The following GRM5 variants were observed in gnomAD, a reference collection of about 807,000 sequenced individuals.
GRM5 encodes the protein glutamate metabotropic receptor 5, also known as metabotropic glutamate receptor 5.
In GRM5, 19 loss-of-function variants were observed where a neutral mutation model predicts 83.1. That is an observed-to-expected ratio of 0.23 (90% CI 0.16 to 0.34). The LOEUF (loss-of-function observed/expected upper bound fraction) is 0.34, where lower values mean the gene tolerates loss of function less well. Among genes scored for constraint, GRM5 ranks in the 10% least tolerant of loss-of-function variants. The probability of loss-of-function intolerance (pLI) is 1.00; values close to 1 mark genes in which losing one functional copy is unlikely to be tolerated. For synonymous variants in GRM5, 675 were observed against 633.6 expected, an observed-to-expected ratio of 1.07 and a Z score of -0.98; for missense variants, 1,160 against 1,588.3, an observed-to-expected ratio of 0.73 and a Z score of 4.58.
At chr11:88,583,030 G>T (rs748805744) in intron 7 of GRM5, among the ~76,000 whole-genome samples, 1 of 151,494 alleles carries the variant, frequency 6.6e-6, no homozygotes, top group Non-Finnish European at 1.5e-5. Context: ...GATTAAAAAA[G>T]GTAATGCTTA....
chr11:88,632,437 T>A (rs187153474), intron 4 of GRM5, among the ~76,000 whole-genome samples: 140 of 152,138 alleles, frequency 9.2e-4, no homozygotes, highest in Non-Finnish European at 1.1e-3. Flanking sequence ...TCTCCCTATG[T>A]TACCCAGGTT....
intron 2 of GRM5, among the ~76,000 whole-genome samples, chr11:88,857,798 A>T (rs1425702381): frequency 6.6e-6 from 1 of 152,092 alleles, no homozygotes; most frequent in Admixed American, 6.6e-5. Context: ...ATGATGCAAG[A>T]AATGTGTATA....
intron 2 of GRM5, among the ~76,000 whole-genome samples, chr11:88,961,523 A>G (rs930201773): frequency 1.1e-4 from 16 of 152,110 alleles, no homozygotes; most frequent in African/African-American, 3.6e-4. Flanking sequence ...CTCACAGATA[A>G]ATGGAACTCT....
At chr11:88,968,340 A>G (rs1405559052) in intron 2 of GRM5, among the ~76,000 whole-genome samples, 1 of 152,080 alleles carries the variant, frequency 6.6e-6, no homozygotes, top group African/African-American at 2.4e-5. Flanking sequence ...AAATCTAGAG[A>G]GACAGAAAGT....
intron 4 of GRM5, among the ~76,000 whole-genome samples, chr11:88,649,484 T>A (rs949231312): frequency 1.4e-5 from 2 of 144,728 alleles, no homozygotes; most frequent in Admixed American, 1.4e-4. Flanking sequence ...ATATAATTTA[T>A]ATATTACATA....
At chr11:88,843,494 C>T (rs1312891923) in intron 3 of GRM5, among the ~76,000 whole-genome samples, 2 of 152,134 alleles carry the variant, frequency 1.3e-5, no homozygotes, top group African/African-American at 4.8e-5. Context: ...GTGGTATGTT[C>T]TGATTGTCCT....
chr11:88,961,479 G>T (rs1209334091), intron 2 of GRM5, among the ~76,000 whole-genome samples: 1 of 152,054 alleles, frequency 6.6e-6, no homozygotes, highest in East Asian at 1.9e-4. Context: ...CTGTCCTTGG[G>T]CCATTCATTC....
intron 3 of GRM5, among the ~76,000 whole-genome samples, chr11:88,686,959 G>A (rs1175283257): frequency 1.3e-5 from 2 of 152,022 alleles, no homozygotes; most frequent in Non-Finnish European, 2.9e-5. Flanking sequence ...AACCCACAGA[G>A]AACAGTCACA....
At chr11:88,942,551 C>T (rs1938148678) in intron 2 of GRM5, among the ~76,000 whole-genome samples, 1 of 151,930 alleles carries the variant, frequency 6.6e-6, no homozygotes, top group African/African-American at 2.4e-5. Flanking sequence ...TCTGATGGCC[C>T]TCAAAGGTTT....
rs150045182 is a variant in GRM5, at chr11:88,605,755, A to G, written c.1148-791T>C. Among the ~76,000 whole-genome samples the G allele has an allele frequency of 2.0e-5, 3 of 152,346 alleles. No individual in the cohort carries two copies. In the South Asian group the frequency reaches 6.2e-4, roughly 32 times the overall value. On this transcript the variant is annotated intron_variant, in intron 4 of 9. Transcript: ENST00000305447. ...AGGAGTGAGAAATATCCCTTCCAAT[A>G]GAAGGTTCTTGGGAACTAAGGAACT...
intron 6 of GRM5, among the ~76,000 whole-genome samples, chr11:88,591,046 T>G (rs1937630728): frequency 6.6e-6 from 1 of 152,192 alleles, no homozygotes; most frequent in Admixed American, 6.5e-5. Flanking sequence ...TACACATAAC[T>G]GAATTCACCC....
rs185728411 is a variant in GRM5 at position 88,948,597 on chromosome 11, T to C, written c.662-98442A>G. 4.7e-3 allele frequency among the ~76,000 whole-genome samples: 723 copies of C among 152,364 alleles called. 13 individuals are homozygous for C. Among genetic ancestry groups the C allele is most frequent in the Admixed American group, 0.028 (431 of 15,296 alleles). ...GGTTCAAGTTTGAGAATTCATAAAA[T>C]TCGTAGAAGTTTTATGACGGTACAT... On this transcript the variant is annotated intron_variant, in intron 2 of 9. Transcript: ENST00000305447.
intron 5 of GRM5, among the ~76,000 whole-genome samples, chr11:88,602,112 A>G (rs1278385625): frequency 6.6e-6 from 1 of 152,086 alleles, no homozygotes; most frequent in Non-Finnish European, 1.5e-5. Context: ...GCAGCAAAAC[A>G]TGACATTACC....
At chr11:88,542,056 C>T (rs1055357884) in intron 8 of GRM5, among the ~76,000 whole-genome samples, 3 of 152,198 alleles carry the variant, frequency 2.0e-5, no homozygotes, top group Admixed American at 6.5e-5. Context: ...TTCCTGAAGC[C>T]TCCCCAGCCA....
chr11:88,657,259 C>A (rs546921914), intron 3 of GRM5, among the ~76,000 whole-genome samples: 1 of 152,086 alleles, frequency 6.6e-6, no homozygotes, highest in Non-Finnish European at 1.5e-5. Context: ...CTGTTTGCTG[C>A]ATGTTTATAG....
chr11:89,060,794 T>C (rs934627010), intron 1 of GRM5, among the ~76,000 whole-genome samples: 8 of 152,212 alleles, frequency 5.3e-5, no homozygotes, highest in Non-Finnish European at 1.0e-4. Flanking sequence ...AATATCAAGA[T>C]ACTATCTCAT....
intron 2 of GRM5, among the ~76,000 whole-genome samples, chr11:89,006,654 C>T (rs1940535649): frequency 1.3e-5 from 2 of 152,216 alleles, no homozygotes; most frequent in Admixed American, 1.3e-4. Flanking sequence ...GTGCACCAGC[C>T]ACTTTGGCCT....
chr11:88,801,575 C>T (rs551221406), intron 3 of GRM5, among the ~76,000 whole-genome samples: 25 of 152,020 alleles, frequency 1.6e-4, no homozygotes, highest in Non-Finnish European at 3.1e-4. Context: ...TTATTAGCAT[C>T]AAATTAAGGA....
intron 2 of GRM5, among the ~76,000 whole-genome samples, chr11:88,851,958 A>G (rs1345198800): frequency 2.6e-5 from 4 of 152,224 alleles, no homozygotes; most frequent in African/African-American, 9.6e-5. Flanking sequence ...CCAGTTTTAC[A>G]CTAATGTGAG....
Sources: allele counts gnomAD v4.1 joint callset (sites outside exome capture counted in the v4.1 genomes callset), GRCh38; gene constraint gnomAD v4.1.1; transcripts MANE v1.5; gene names NCBI Gene and HGNC (gene_info 2026-07-23, HGNC 2026-07-21).